The following IMMP2L variants were observed in gnomAD, a reference collection of about 807,000 sequenced individuals.
The protein encoded by IMMP2L is inner mitochondrial membrane peptidase subunit 2.
A neutral mutation model predicts 19.3 loss-of-function variants in IMMP2L; 18 were observed. That is an observed-to-expected ratio of 0.93 (90% CI 0.64 to 1.38). IMMP2L has a LOEUF of 1.38. Ranked by LOEUF, IMMP2L falls within the 40% of genes most tolerant of loss-of-function variation. The probability of loss-of-function intolerance (pLI) is 0.00; values close to 1 mark genes in which losing one functional copy is unlikely to be tolerated. For missense variants in IMMP2L, 233 were observed against 218.2 expected (o/e 1.07, Z -0.43); for synonymous variants, 76 against 73.0 (o/e 1.04, Z -0.21).
intron 3 of IMMP2L, among the ~76,000 whole-genome samples, chr7:111,082,479 T>G (rs1206253729): frequency 6.6e-6 from 1 of 152,230 alleles, no homozygotes; most frequent in Non-Finnish European, 1.5e-5. Flanking sequence ...CCTCATTTCT[T>G]TCTCAGCTCC....
intron 2 of IMMP2L, among the ~76,000 whole-genome samples, chr7:111,497,406 C>T (rs368166891): frequency 6.6e-6 from 1 of 152,124 alleles, no homozygotes; most frequent in South Asian, 2.1e-4. Context: ...ATAACTGAGC[C>T]AAGCTCAATA....
chr7:110,839,571 G>A (rs1032750918), intron 5 of IMMP2L, among the ~76,000 whole-genome samples: 5 of 151,932 alleles, frequency 3.3e-5, no homozygotes, highest in Non-Finnish European at 7.4e-5. Flanking sequence ...CCAGATTATT[G>A]ATTTGAGACA....
At chr7:111,231,574 C>T (rs1813722104) in intron 3 of IMMP2L, among the ~76,000 whole-genome samples, 1 of 152,012 alleles carries the variant, frequency 6.6e-6, no homozygotes, top group African/African-American at 2.4e-5. Context: ...TACCAGTTGT[C>T]AACTTAGTGT....
chr7:110,710,908 C>A (rs1794869752), intron 5 of IMMP2L, among the ~76,000 whole-genome samples: 1 of 20,244 alleles, frequency 4.9e-5, no homozygotes, highest in Non-Finnish European at 8.8e-5. Context: ...TGTGTCTCTG[C>A]ACGTGAGATG....
chr7:111,032,544 G>C (rs1261016772), intron 3 of IMMP2L, among the ~76,000 whole-genome samples: 1 of 152,124 alleles, frequency 6.6e-6, no homozygotes, highest in Non-Finnish European at 1.5e-5. Context: ...AAACAGGGCA[G>C]AGTCCAGTGG....
intron 3 of IMMP2L, among the ~76,000 whole-genome samples, chr7:111,352,660 A>G (rs1828290287): frequency 6.6e-6 from 1 of 152,002 alleles, no homozygotes; most frequent in Admixed American, 6.6e-5. Flanking sequence ...AGAATTCATG[A>G]CTTCTCATCC....
chr7:111,537,792 A>G (rs1435235091), intron 1 of IMMP2L, among the ~76,000 whole-genome samples: 7 of 151,890 alleles, frequency 4.6e-5, no homozygotes, highest in Admixed American at 3.9e-4. Flanking sequence ...CACCTTCCCA[A>G]AGTGCTGGGA....
intron 3 of IMMP2L, among the ~76,000 whole-genome samples, chr7:111,082,134 G>A (rs1226377649): frequency 6.6e-6 from 1 of 152,166 alleles, no homozygotes; most frequent in South Asian, 2.1e-4. Context: ...CTCTGAACAT[G>A]TGTTTGTTTA....
At chr7:111,258,639 T>G (rs1816983341) in intron 3 of IMMP2L, among the ~76,000 whole-genome samples, 1 of 151,976 alleles carries the variant, frequency 6.6e-6, no homozygotes, top group South Asian at 2.1e-4. Context: ...CCCAAGTAGC[T>G]GGAATTACAG....
At chr7:111,250,314 A>T (rs193017077) in intron 3 of IMMP2L, among the ~76,000 whole-genome samples, 4 of 152,286 alleles carry the variant, frequency 2.6e-5, no homozygotes, top group African/African-American at 9.6e-5. Context: ...AATACCAAGA[A>T]AATGGCCATA....
intron 3 of IMMP2L, among the ~76,000 whole-genome samples, chr7:111,134,215 T>G (rs1412894853): frequency 6.6e-6 from 1 of 152,098 alleles, no homozygotes; most frequent in Non-Finnish European, 1.5e-5. Context: ...GTACTGTGTC[T>G]AATTTCCTTA....
chr7:111,465,002 C>T (rs1014075613), intron 3 of IMMP2L, among the ~76,000 whole-genome samples: 6 of 152,104 alleles, frequency 3.9e-5, no homozygotes, highest in African/African-American at 1.4e-4. Flanking sequence ...CCGTGTTAGC[C>T]AGGATGGTCT....
chr7:110,950,866 A>ATATATG (rs2129554158), intron 4 of IMMP2L, among the ~76,000 whole-genome samples: 1 of 134,808 alleles, frequency 7.4e-6, no homozygotes, highest in South Asian at 2.5e-4. Flanking sequence ...ATATATATAT[A>ATATATG]TATATGTATA....
intron 3 of IMMP2L, among the ~76,000 whole-genome samples, chr7:111,381,940 C>T (rs1831239167): frequency 6.6e-6 from 1 of 151,922 alleles, no homozygotes; most frequent in Admixed American, 6.6e-5. Flanking sequence ...AAGAGGAACA[C>T]TTTTATTATC....
intron 5 of IMMP2L, among the ~76,000 whole-genome samples, chr7:110,810,250 A>T (rs1801943648): frequency 6.6e-6 from 1 of 152,102 alleles, no homozygotes; most frequent in Non-Finnish European, 1.5e-5. Flanking sequence ...AAGGACTATA[A>T]GAGAATTCAC....
intron 3 of IMMP2L, among the ~76,000 whole-genome samples, chr7:111,140,036 A>G (rs1479618383): frequency 6.6e-6 from 1 of 152,172 alleles, no homozygotes. Flanking sequence ...AATGAACAGG[A>G]CTGAAAATAA....
At chr7:111,372,377 A>G (rs1204807336) in intron 3 of IMMP2L, among the ~76,000 whole-genome samples, 1 of 152,046 alleles carries the variant, frequency 6.6e-6, no homozygotes, top group Non-Finnish European at 1.5e-5. Context: ...CTGGAGCCAC[A>G]TGAAAGAAAA....
intron 3 of IMMP2L, among the ~76,000 whole-genome samples, chr7:110,978,497 T>G (rs1210243054): frequency 6.6e-6 from 1 of 151,918 alleles, no homozygotes; most frequent in Non-Finnish European, 1.5e-5. Flanking sequence ...CCATTACTAT[T>G]TGCAATGTGG....
chr7:111,229,899 ATT>A (rs950753481), intron 3 of IMMP2L, among the ~76,000 whole-genome samples: 1 of 152,062 alleles, frequency 6.6e-6, no homozygotes, highest in African/African-American at 2.4e-5. Flanking sequence ...AGAACGGAAG[ATT>A]ATGTAAGCTT....
Sources: allele counts gnomAD v4.1 joint callset (sites outside exome capture counted in the v4.1 genomes callset), GRCh38; gene constraint gnomAD v4.1.1; transcripts MANE v1.5; gene names NCBI Gene and HGNC (gene_info 2026-07-23, HGNC 2026-07-21).